PCDHA3: variants seen among roughly 807,000 people sequenced by gnomAD.
The protein encoded by PCDHA3 is protocadherin alpha-3.
PCDHA3 carries 41 observed loss-of-function variants against 62.2 expected under a neutral mutation model. The ratio of observed to expected loss-of-function variants is 0.66; its 90% CI spans 0.51 to 0.86. The LOEUF is 0.86. PCDHA3 is among the 40% of genes least tolerant of loss of function. The pLI is 0.00. For synonymous variants in PCDHA3, 640 were observed against 555.4 expected (o/e 1.15, Z -2.14); for missense variants, 1,304 against 1,241.2 (o/e 1.05, Z -0.76).
intron 1 of PCDHA3, among the ~76,000 whole-genome samples, chr5:140,818,349 G>T (rs1214100703): frequency 6.6e-6 from 1 of 152,134 alleles, no homozygotes; most frequent in African/African-American, 2.4e-5. Context: ...CACTGTCAAA[G>T]TCATTGATTG....
intron 1 of PCDHA3, among the ~76,000 whole-genome samples, chr5:140,923,976 A>G (rs1257687753): frequency 6.6e-6 from 1 of 152,176 alleles, no homozygotes; most frequent in Non-Finnish European, 1.5e-5. Context: ...CACACATACT[A>G]TCCCTCTAGG....
intron 1 of PCDHA3, among the ~76,000 whole-genome samples, chr5:140,893,393 C>T (rs1358613018): frequency 6.6e-6 from 1 of 152,144 alleles, no homozygotes; most frequent in Non-Finnish European, 1.5e-5. Context: ...TGGCTCATGC[C>T]TGTAATCCCA....
intron 1 of PCDHA3, chr5:140,809,231 G>A (rs538670718): frequency 6.2e-7 from 1 of 1,614,098 alleles, no homozygotes; most frequent in East Asian, 2.2e-5. Flanking sequence ...CTCCTCACGG[G>A]CGTTGGTGGG....
rs199941722 is a variant in PCDHA3 at position 140,828,275 on chromosome 5, C to T, written c.2394+24684C>T. Reference sequence around the variant, plus strand: ...GCTGGAGCTGGCGGAGCTGGTGCCGCGCCTGTTCAGGATGGCCTCCAAAGA... The same window carrying T: ...GCTGGAGCTGGCGGAGCTGGTGCCGTGCCTGTTCAGGATGGCCTCCAAAGA... On this transcript the variant is annotated intron_variant, in intron 1 of 3. Transcript: ENST00000522353. The T allele has an allele frequency of 3.1e-6, 5 of 1,614,064 alleles. No homozygotes were observed. The Admixed American group carries it at 6.7e-5, about 22-fold the overall frequency.
chr5:140,881,659 T>C (rs2058783076), intron 1 of PCDHA3, among the ~76,000 whole-genome samples: 1 of 152,240 alleles, frequency 6.6e-6, no homozygotes, highest in African/African-American at 2.4e-5. Flanking sequence ...CTTCACCGAT[T>C]TTATTCTTAT....
chr5:140,826,579 A>C (rs1440261492), intron 1 of PCDHA3, among the ~76,000 whole-genome samples: 2 of 152,178 alleles, frequency 1.3e-5, no homozygotes, highest in African/African-American at 4.8e-5. Context: ...TAATCACTTC[A>C]AATGGATAAC....
chr5:140,928,672 GC>G (rs1466783332), intron 1 of PCDHA3: 1 of 1,614,058 alleles, frequency 6.2e-7, no homozygotes, highest in East Asian at 2.2e-5. Flanking sequence ...TGGTTCTAAT[GC>G]CTGGCTTTCC....
intron 1 of PCDHA3, among the ~76,000 whole-genome samples, chr5:140,893,013 CCTGACTTATTTCA>C (rs2063781212): frequency 6.6e-6 from 1 of 152,170 alleles, no homozygotes; most frequent in African/African-American, 2.4e-5. Context: ...TTTTTCTGTG[CCTGACTTATTTCA>C]CTTAACATAT....
intron 1 of PCDHA3, among the ~76,000 whole-genome samples, chr5:140,919,536 C>A (rs1554199151): frequency 6.6e-6 from 1 of 151,864 alleles, no homozygotes; most frequent in Admixed American, 6.6e-5. Context: ...TTTTCCTATA[C>A]TTTTCATTTA....
intron 3 of PCDHA3, among the ~76,000 whole-genome samples, chr5:140,983,631 C>T (rs1336337529): frequency 2.0e-5 from 3 of 152,134 alleles, no homozygotes; most frequent in African/African-American, 7.2e-5. Context: ...AAGAAATGTA[C>T]CCAAGTTCAC....
intron 1 of PCDHA3, chr5:140,868,917 AAGTT>A: frequency 1.0e-6 from 1 of 955,956 alleles, no homozygotes; most frequent in Non-Finnish European, 1.5e-6. Flanking sequence ...ACTTGGTGGA[AAGTT>A]CATTTAAAGG....
At chr5:141,005,490 TC>T (rs1451220963) in intron 3 of PCDHA3, among the ~76,000 whole-genome samples, 1 of 151,242 alleles carries the variant, frequency 6.6e-6, no homozygotes. Flanking sequence ...GATCATGAGG[TC>T]AGGAGATCGA....
Position 140,925,039 on chromosome 5 carries a change from A to C in PCDHA3, c.2395-53910A>C, listed in dbSNP as rs554229960. ...GATGGGAGGATCGCTTGAGCCCAGA[A>C]GTTTGAGACCAGACTGGGCAACAAA... On this transcript the variant is annotated intron_variant, in intron 1 of 3. Coordinates refer to ENST00000522353, the MANE Select transcript of PCDHA3 (RefSeq NM_018906.3). Among the ~76,000 whole-genome samples the C allele has an allele frequency of 1.1e-4, 16 of 152,028 alleles. 1 individual carries two copies. The highest frequency in any genetic ancestry group is 1.6e-4 in the Non-Finnish European group (11 of 67,960).
intron 1 of PCDHA3, among the ~76,000 whole-genome samples, chr5:140,924,901 A>AAAT (rs1554202313): frequency 5.5e-4 from 44 of 80,500 alleles, no homozygotes; most frequent in Non-Finnish European, 9.1e-4. Flanking sequence ...TCTCAAAAAA[A>AAAT]AAAATAAAAT....
At chr5:140,823,756 A>G (rs1767861946) in intron 1 of PCDHA3, 1 of 1,613,820 alleles carries the variant, frequency 6.2e-7, no homozygotes, top group Non-Finnish European at 8.5e-7. Flanking sequence ...GCTGACAGCC[A>G]CAGCCACAGT....
At chr5:140,808,402 C>T (rs782426671) in intron 1 of PCDHA3, 4 of 1,614,062 alleles carry the variant, frequency 2.5e-6, no homozygotes, top group Non-Finnish European at 3.4e-6. Context: ...AGAATTACTA[C>T]TCGTTGGTGC....
chr5:140,862,675 G>C, intron 1 of PCDHA3: 1 of 550,422 alleles, frequency 1.8e-6, no homozygotes, highest in Non-Finnish European at 3.6e-6. Context: ...GCAGGAGAAC[G>C]TGCTGGTGTC....
intron 1 of PCDHA3, among the ~76,000 whole-genome samples, chr5:140,950,234 T>C (rs1423756424): frequency 1.3e-5 from 2 of 152,028 alleles, no homozygotes; most frequent in Non-Finnish European, 2.9e-5. Flanking sequence ...TCTAGTGCCA[T>C]TAATTTGTTC....
chr5:140,952,903 C>T (rs896493880), intron 1 of PCDHA3, among the ~76,000 whole-genome samples: 4 of 152,092 alleles, frequency 2.6e-5, no homozygotes, highest in African/African-American at 7.2e-5. Flanking sequence ...GGGAATCAAG[C>T]TCATCTTACA....
Sources: gnomAD v4.1 joint callset for allele counts (sites outside exome capture counted in the v4.1 genomes callset) on GRCh38, gnomAD v4.1.1 for gene constraint, MANE v1.5 for transcripts, NCBI Gene and HGNC (gene_info 2026-07-23, HGNC 2026-07-21) for gene names.